DPYSL5: variants seen among roughly 807,000 people sequenced by gnomAD.
The protein encoded by DPYSL5 is dihydropyrimidinase like 5.
In DPYSL5, 9 loss-of-function variants were observed where a neutral mutation model predicts 58.4. The observed-to-expected ratio is 0.15, with a 90% CI of 0.09 to 0.27. The LOEUF (loss-of-function observed/expected upper bound fraction) is 0.27, where lower values mean the gene tolerates loss of function less well. DPYSL5 is among the 10% of genes least tolerant of loss of function. The probability of loss-of-function intolerance (pLI) is 1.00; values close to 1 mark genes in which losing one functional copy is unlikely to be tolerated. For missense variants in DPYSL5, 499 were observed against 770.6 expected, an observed-to-expected ratio of 0.65 and a Z score of 4.17; for synonymous variants, 293 against 301.9, an observed-to-expected ratio of 0.97 and a Z score of 0.31.
Position 26,933,328 on chromosome 2 carries a change from T to G in DPYSL5, c.785T>G (p.Met262Arg). The G allele has an allele frequency of 6.2e-7, 1 of 1,614,004 alleles. No homozygotes were observed. The change falls in exon 7 of 13, where the codon ATG becomes AGG. Residue 262 changes from methionine to arginine, a missense_variant. Physicochemically the swap from Met to Arg is moderately conservative, Grantham distance 91. Transcript: ENST00000288699. This position sits in a 1 kb window ranked among gnomAD's most constrained non-coding sequence, Gnocchi z 4.2. ...GGTGACGTTATCGCAGCTGCTAAGA[T>G]GCAAGGTGAGTCCATAGACTTGGCT... is the stretch of plus-strand genomic sequence containing the variant. ...SAGDVIAAAK[M>R]QGKVVLAETT...
Position 26,934,324 on chromosome 2 carries a change from C to A in DPYSL5, c.791-254C>A, listed in dbSNP as rs1390324567. ...CAGTGCTCTGGTCATCTGGCCAAAC[C>A]AGACTCCTCAAAGTGCCGCTTGGTC... On this transcript the variant is annotated intron_variant, in intron 7 of 12. Transcript: ENST00000288699. The surrounding 1 kb of genome is among the most constrained non-coding windows in gnomAD (Gnocchi z 4.3). 6.6e-6 allele frequency among the ~76,000 whole-genome samples: 1 copy of A among 152,172 alleles called. No individual in the cohort carries two copies. The highest frequency in any genetic ancestry group is 1.5e-5 in the Non-Finnish European group (1 of 68,030).
Position 26,925,773 on chromosome 2 carries a change from T to C in DPYSL5, c.420+728T>C, listed in dbSNP as rs1256339010. 3.0e-5 allele frequency among the ~76,000 whole-genome samples: 4 copies of C among 134,212 alleles called. No individual in the cohort carries two copies. Among genetic ancestry groups the C allele is most frequent in the Non-Finnish European group, 4.9e-5 (3 of 60,758 alleles). The allele number at this position is 134,212 out of a possible 152,430, so 88.0% of individuals were successfully genotyped here. A position where few individuals can be genotyped will look rare whatever the true frequency, so the allele number is the denominator to read the frequency against. ...AGGCATTTCGATTTGGCTTTGTTTC[T>C]GGGGTTTTTCTGCTTTTTTGCCCAG... On this transcript the variant is annotated intron_variant, in intron 3 of 12. Coordinates refer to ENST00000288699, the MANE Select transcript of DPYSL5 (RefSeq NM_020134.4). The surrounding 1 kb of genome is among the most constrained non-coding windows in gnomAD (Gnocchi z 4.5).
chr2:26,924,024 G>T lies in DPYSL5; in HGVS notation c.262-863G>T, dbSNP rs1427575967. Among the ~76,000 whole-genome samples, 3 of 152,148 alleles carry T rather than the reference G, an allele frequency of 2.0e-5. No individual in the cohort carries two copies. Among genetic ancestry groups the T allele is most frequent in the Non-Finnish European group, 4.4e-5 (3 of 68,026 alleles). On this transcript the variant is annotated intron_variant, in intron 2 of 12. Coordinates refer to ENST00000288699, the MANE Select transcript of DPYSL5 (RefSeq NM_020134.4). This position sits in a 1 kb window ranked among gnomAD's most constrained non-coding sequence, Gnocchi z 4.7. ...AACACATTAGCCTGAAATAGCCTTT[G>T]ATCGATGCTAGTTTTGGAACTTCAC...
intron 1 of DPYSL5, among the ~76,000 whole-genome samples, chr2:26,860,316 G>A (rs1665979346): frequency 6.6e-6 from 1 of 152,218 alleles, no homozygotes; most frequent in Non-Finnish European, 1.5e-5. Flanking sequence ...CACATAAGGA[G>A]AAGTTTAGCA....
At chr2:26,881,620 T>C (rs1033877817) in intron 1 of DPYSL5, among the ~76,000 whole-genome samples, 1 of 152,144 alleles carries the variant, frequency 6.6e-6, no homozygotes, top group Non-Finnish European at 1.5e-5. Context: ...CTGCTTTTGA[T>C]TGGGCAGAAG....
chr2:26,899,405 C>CT (rs904768940), intron 2 of DPYSL5, among the ~76,000 whole-genome samples: 2 of 152,130 alleles, frequency 1.3e-5, no homozygotes, highest in African/African-American at 2.4e-5. Flanking sequence ...CATGAATGGG[C>CT]TTTTTTACCC....
intron 12 of DPYSL5, among the ~76,000 whole-genome samples, chr2:26,945,509 C>T (rs1193215712): frequency 8.8e-5 from 13 of 147,820 alleles, no homozygotes; most frequent in Admixed American, 4.1e-4. Flanking sequence ...CCCGCCCCCC[C>T]GTCCCCCCCC....
chr2:26,946,522 A>C (rs1219474163), intron 12 of DPYSL5, among the ~76,000 whole-genome samples: 1 of 151,976 alleles, frequency 6.6e-6, no homozygotes, highest in Non-Finnish European at 1.5e-5. Context: ...TTCCGAAACA[A>C]TGGCATACCC....
chr2:26,911,258 A>C (rs1019150044), intron 2 of DPYSL5, among the ~76,000 whole-genome samples: 4 of 152,128 alleles, frequency 2.6e-5, no homozygotes, highest in African/African-American at 9.7e-5. Flanking sequence ...TAATTATTGT[A>C]ACTTTACAGT....
intron 2 of DPYSL5, among the ~76,000 whole-genome samples, chr2:26,899,743 A>G (rs980086649): frequency 1.2e-4 from 19 of 152,202 alleles, no homozygotes; most frequent in Non-Finnish European, 5.9e-5. Flanking sequence ...GAGGAGTCAC[A>G]GTAGCCATTG....
chr2:26,848,962 C>G (rs1441411242), intron 1 of DPYSL5, among the ~76,000 whole-genome samples: 1 of 152,160 alleles, frequency 6.6e-6, no homozygotes, highest in Non-Finnish European at 1.5e-5. Context: ...CGGGCACCGA[C>G]GTCGACGCCC....
At chr2:26,914,046 G>A (rs1041169085) in intron 2 of DPYSL5, among the ~76,000 whole-genome samples, 2 of 152,146 alleles carry the variant, frequency 1.3e-5, no homozygotes, top group African/African-American at 2.4e-5. Flanking sequence ...CTGAAGCCAG[G>A]GAGGGATCGC....
chr2:26,922,817 C>G (rs1186218200), intron 2 of DPYSL5, among the ~76,000 whole-genome samples: 1 of 152,198 alleles, frequency 6.6e-6, no homozygotes, highest in African/African-American at 2.4e-5. Flanking sequence ...AGTAAAGCTA[C>G]AATCTGCACT....
At position 26,934,074 on chromosome 2, in the gene DPYSL5, C is replaced by A. The variant is rs1316615198; in HGVS notation, c.791-504C>A. Among the ~76,000 whole-genome samples the A allele has an allele frequency of 1.3e-5, 2 of 152,184 alleles. No individual in the cohort carries two copies. The highest frequency in any genetic ancestry group is 2.9e-5 in the Non-Finnish European group (2 of 68,026). ...CACTGAAGCCCCTTGGAGGGTCTCGCCTAGACTGTCGTCCCAGCCTGGTGA... is the reference window on the plus strand; with the variant it reads ...CACTGAAGCCCCTTGGAGGGTCTCGACTAGACTGTCGTCCCAGCCTGGTGA... On this transcript the variant is annotated intron_variant, in intron 7 of 12. Transcript: ENST00000288699. This position sits in a 1 kb window ranked among gnomAD's most constrained non-coding sequence, Gnocchi z 4.3.
At chr2:26,907,991 G>A (rs1048272191) in intron 2 of DPYSL5, among the ~76,000 whole-genome samples, 1 of 152,118 alleles carries the variant, frequency 6.6e-6, no homozygotes, top group African/African-American at 2.4e-5. Context: ...GCTGGAGTTC[G>A]GATTTCAGCT....
chr2:26,867,698 G>A (rs926277871), intron 1 of DPYSL5, among the ~76,000 whole-genome samples: 1 of 151,820 alleles, frequency 6.6e-6, no homozygotes, highest in African/African-American at 2.4e-5. Flanking sequence ...CTCGTGATCC[G>A]CCCGCCTCGG....
At chr2:26,923,457 A>G (rs1200411041) in intron 2 of DPYSL5, among the ~76,000 whole-genome samples, 2 of 152,180 alleles carry the variant, frequency 1.3e-5, no homozygotes, top group African/African-American at 4.8e-5. Context: ...AAGCCACCCT[A>G]TTGTGTAGGT....
At chr2:26,918,812 G>A (rs142667757) in intron 2 of DPYSL5, among the ~76,000 whole-genome samples, 14 of 152,116 alleles carry the variant, frequency 9.2e-5, no homozygotes, top group African/African-American at 2.4e-4. Flanking sequence ...GCATATTTTC[G>A]TATGAAGATA....
At chr2:26,918,811 C>T (rs1221153542) in intron 2 of DPYSL5, among the ~76,000 whole-genome samples, 3 of 152,102 alleles carry the variant, frequency 2.0e-5, no homozygotes, top group South Asian at 4.1e-4. Context: ...TGCATATTTT[C>T]GTATGAAGAT....
Sources: allele counts gnomAD v4.1 joint callset (sites outside exome capture counted in the v4.1 genomes callset), GRCh38; gene constraint gnomAD v4.1.1; non-coding constraint Gnocchi (gnomAD v3.1); transcripts MANE v1.5; gene names NCBI Gene and HGNC (gene_info 2026-07-23, HGNC 2026-07-21).